XRCC4: variants seen among roughly 807,000 people sequenced by gnomAD.
XRCC4 encodes X-ray repair cross complementing 4, also known as DNA repair protein XRCC4.
Under a neutral mutation model 39.1 loss-of-function variants are expected in XRCC4, and 28 were observed. That is an observed-to-expected ratio of 0.72 (90% CI 0.53 to 0.98). XRCC4 has a LOEUF of 0.98. Among genes scored for constraint, XRCC4 ranks in the 50% least tolerant of loss-of-function variants. The pLI is 0.00. For synonymous variants in XRCC4, 123 were observed against 126.4 expected, an observed-to-expected ratio of 0.97 and a Z score of 0.18; for missense variants, 350 against 376.4, an observed-to-expected ratio of 0.93 and a Z score of 0.58.
chr5:83,280,725 A>C, intron 7 of XRCC4: 2 of 193,068 alleles, frequency 1.0e-5, no homozygotes, highest in African/African-American at 2.3e-5. Context: ...ACTTCCCCAA[A>C]AGGCCCCACC....
intron 7 of XRCC4, among the ~76,000 whole-genome samples, chr5:83,299,234 T>G (rs2112994854): frequency 6.6e-6 from 1 of 152,250 alleles, no homozygotes; most frequent in African/African-American, 2.4e-5. Context: ...ATTCAAAGAT[T>G]TAATTTCATA....
At chr5:83,139,250 G>A (rs762751056) in intron 3 of XRCC4, among the ~76,000 whole-genome samples, 4 of 152,200 alleles carry the variant, frequency 2.6e-5, no homozygotes, top group Admixed American at 1.3e-4. Flanking sequence ...TTTGTAGGAC[G>A]TCCTTCACTT....
chr5:83,295,554 C>G (rs1388861671), intron 7 of XRCC4, among the ~76,000 whole-genome samples: 1 of 151,982 alleles, frequency 6.6e-6, no homozygotes, highest in Non-Finnish European at 1.5e-5. Context: ...TCAGGAAGGA[C>G]TCCAGGCAGG....
chr5:83,163,455 A>G (rs761528975), intron 3 of XRCC4, among the ~76,000 whole-genome samples: 1 of 152,232 alleles, frequency 6.6e-6, no homozygotes, highest in East Asian at 1.9e-4. Context: ...AGCTTCATTA[A>G]TGAAACCATT....
chr5:83,217,124 C>T (rs983420624), intron 6 of XRCC4, among the ~76,000 whole-genome samples: 9 of 151,848 alleles, frequency 5.9e-5, no homozygotes, highest in East Asian at 1.9e-4. Context: ...GAGGACAAGG[C>T]GGGCAGATCA....
At chr5:83,161,818 CT>C (rs148597523) in intron 3 of XRCC4, among the ~76,000 whole-genome samples, 7,322 of 152,218 alleles carry the variant, frequency 0.048, 225 homozygotes, top group Admixed American at 0.094. Flanking sequence ...CTACAGTGAA[CT>C]TTTGATTTGC....
At chr5:83,362,512 T>G in the XRCC4 span, among the ~76,000 whole-genome samples, 35 of 152,284 alleles carry the variant, frequency 2.3e-4, no homozygotes, top group African/African-American at 8.4e-4. Flanking sequence ...CCAAAGGCTA[T>G]GTGTATTTAA....
chr5:83,326,563 C>A (rs1220283602), intron 7 of XRCC4, among the ~76,000 whole-genome samples: 1 of 151,980 alleles, frequency 6.6e-6, no homozygotes, highest in African/African-American at 2.4e-5. Flanking sequence ...TGTTTGGGAT[C>A]TATATATTCT....
intron 3 of XRCC4, among the ~76,000 whole-genome samples, chr5:83,130,033 C>T (rs186123083): frequency 1.1e-4 from 17 of 152,086 alleles, no homozygotes; most frequent in Admixed American, 3.9e-4. Flanking sequence ...AGAGGGCATC[C>T]CTGTCTTGTG....
the XRCC4 span, among the ~76,000 whole-genome samples, chr5:83,362,248 C>T: frequency 3.8e-3 from 469 of 124,722 alleles, 5 homozygotes; most frequent in African/African-American, 0.014. Context: ...GTATAAGAAG[C>T]GAAGAATTTT....
At chr5:83,360,969 A>G in the XRCC4 span, among the ~76,000 whole-genome samples, 54 of 152,276 alleles carry the variant, frequency 3.5e-4, no homozygotes, top group Middle Eastern at 3.4e-3. Flanking sequence ...TGAAACAGAA[A>G]TCAGGTATTT....
At chr5:83,247,697 A>G (rs1278969406) in intron 6 of XRCC4, among the ~76,000 whole-genome samples, 2 of 152,130 alleles carry the variant, frequency 1.3e-5, no homozygotes, top group Admixed American at 6.6e-5. Flanking sequence ...CTCTGAATAC[A>G]GTTTTTTAAT....
intron 3 of XRCC4, among the ~76,000 whole-genome samples, chr5:83,184,373 A>G (rs1229227381): frequency 6.6e-6 from 1 of 152,010 alleles, no homozygotes; most frequent in Non-Finnish European, 1.5e-5. Flanking sequence ...CTTTTAACCA[A>G]TCATGCTATT....
At chr5:83,226,842 A>G (rs781299487) in intron 6 of XRCC4, among the ~76,000 whole-genome samples, 5 of 152,098 alleles carry the variant, frequency 3.3e-5, no homozygotes, top group Non-Finnish European at 7.4e-5. Flanking sequence ...GGAGTTTCCT[A>G]TTCCACCATG....
intron 3 of XRCC4, among the ~76,000 whole-genome samples, chr5:83,151,985 T>A (rs1346288313): frequency 1.3e-5 from 2 of 152,184 alleles, no homozygotes; most frequent in Non-Finnish European, 2.9e-5. Context: ...CAAGAAGTGC[T>A]CCAAAGCGGA....
intron 7 of XRCC4, among the ~76,000 whole-genome samples, chr5:83,282,841 C>G (rs1754595252): frequency 1.3e-5 from 2 of 151,650 alleles, no homozygotes; most frequent in Non-Finnish European, 2.9e-5. Context: ...GACTCCATCT[C>G]AAAAAATAAA....
chr5:83,085,395 A>G (rs1417650622), intron 1 of XRCC4, among the ~76,000 whole-genome samples: 1 of 152,214 alleles, frequency 6.6e-6, no homozygotes, highest in Admixed American at 6.5e-5. Flanking sequence ...GAACATGTCC[A>G]AATGAACAGC....
At chr5:83,166,235 A>T (rs1358672329) in intron 3 of XRCC4, among the ~76,000 whole-genome samples, 1 of 152,034 alleles carries the variant, frequency 6.6e-6, no homozygotes, top group Non-Finnish European at 1.5e-5. Flanking sequence ...TGTTGATTCC[A>T]TGTCTTTGCT....
intron 3 of XRCC4, among the ~76,000 whole-genome samples, chr5:83,117,172 A>G (rs1407710043): frequency 3.3e-5 from 5 of 152,180 alleles, no homozygotes; most frequent in Non-Finnish European, 7.4e-5. Context: ...TTCTCCATAG[A>G]GTGCGAACCC....
Sources: gnomAD v4.1 joint callset for allele counts (sites outside exome capture counted in the v4.1 genomes callset) on GRCh38, gnomAD v4.1.1 for gene constraint, MANE v1.5 for transcripts, NCBI Gene and HGNC (gene_info 2026-07-23, HGNC 2026-07-21) for gene names.